Variants in FARSB observed in about 807,000 individuals in gnomAD.
FARSB encodes the protein phenylalanine--tRNA ligase beta subunit.
Under a neutral mutation model 69.6 loss-of-function variants are expected in FARSB, and 40 were observed. That is an observed-to-expected ratio of 0.57 (90% CI 0.45 to 0.75). The LOEUF (loss-of-function observed/expected upper bound fraction) is 0.75. FARSB is among the 30% of genes least tolerant of loss of function. The pLI is 0.00. For missense variants in FARSB, 632 were observed against 722.9 expected (o/e 0.87, Z 1.44); for synonymous variants, 235 against 247.2 (o/e 0.95, Z 0.46).
chr2:222,613,884 T>C lies in FARSB; in HGVS notation c.1389A>G (p.Ala463=), dbSNP rs1690925283. 6.2e-7 allele frequency: 1 copy of C among 1,613,976 alleles called. No homozygotes were observed. Among genetic ancestry groups the C allele is most frequent in the Non-Finnish European group, 8.5e-7 (1 of 1,179,846 alleles). Reference sequence around the variant, plus strand: ...GTGGAAGGGGCATCTTACGATTTGCTGCTATGGTCTTCAGGAGGCCAGGAA... The same window carrying C: ...GTGGAAGGGGCATCTTACGATTTGCCGCTATGGTCTTCAGGAGGCCAGGAA... ...TLLPGLLKTI[A]ANRKMPLPLK... The change falls in exon 15 of 17, where the codon GCA becomes GCG. Residue 463 remains alanine (A), a synonymous_variant. Transcript: ENST00000281828.
chr2:222,596,641 C>A (rs191566057), intron 16 of FARSB, among the ~76,000 whole-genome samples: 1 of 152,250 alleles, frequency 6.6e-6, no homozygotes, highest in East Asian at 1.9e-4. Context: ...CTCTGAAGAC[C>A]TTTTCTTAGT....
intron 13 of FARSB, among the ~76,000 whole-genome samples, chr2:222,622,790 AC>A (rs750673683): frequency 6.6e-6 from 1 of 152,184 alleles, no homozygotes; most frequent in Non-Finnish European, 1.5e-5. Context: ...TGTGCTACGT[AC>A]TTATCCTCTC....
At chr2:222,581,504 A>G (rs1451431069) in intron 16 of FARSB, among the ~76,000 whole-genome samples, 1 of 152,242 alleles carries the variant, frequency 6.6e-6, no homozygotes, top group East Asian at 1.9e-4. Context: ...ATATTTTTAA[A>G]AATCAGAGCA....
At chr2:222,607,448 G>A (rs941984133) in intron 15 of FARSB, among the ~76,000 whole-genome samples, 3 of 152,090 alleles carry the variant, frequency 2.0e-5, no homozygotes, top group African/African-American at 7.2e-5. Flanking sequence ...CCATTAAAAA[G>A]AAATGAAGTT....
chr2:222,592,517 G>C (rs1320585162), intron 16 of FARSB, among the ~76,000 whole-genome samples: 1 of 151,948 alleles, frequency 6.6e-6, no homozygotes, highest in Non-Finnish European at 1.5e-5. Context: ...TGTCTCACAT[G>C]TATAAGATAA....
intron 16 of FARSB, among the ~76,000 whole-genome samples, chr2:222,591,606 ACTT>A (rs1326929946): frequency 6.6e-6 from 1 of 152,230 alleles, no homozygotes; most frequent in Admixed American, 6.5e-5. Context: ...GCATTCATAA[ACTT>A]CTTCATTTTC....
At chr2:222,631,182 CTT>C (rs58544238) in intron 8 of FARSB, among the ~76,000 whole-genome samples, 4 of 144,176 alleles carry the variant, frequency 2.8e-5, no homozygotes, top group African/African-American at 7.5e-5. Context: ...TCGCCAGTTC[CTT>C]TTTTTTTTTT....
chr2:222,583,874 C>T (rs185747460), intron 16 of FARSB, among the ~76,000 whole-genome samples: 240 of 152,172 alleles, frequency 1.6e-3, no homozygotes, highest in Admixed American at 0.013. Flanking sequence ...ACTTTCCTGC[C>T]GCCCTGTGAT....
chr2:222,618,766 A>G (rs2106214115), intron 14 of FARSB, among the ~76,000 whole-genome samples: 1 of 152,342 alleles, frequency 6.6e-6, no homozygotes, highest in South Asian at 2.1e-4. Flanking sequence ...TCAAGAACTG[A>G]TATAATGGGC....
intron 15 of FARSB, among the ~76,000 whole-genome samples, chr2:222,608,730 G>A (rs572654300): frequency 3.9e-5 from 6 of 152,254 alleles, no homozygotes; most frequent in African/African-American, 1.4e-4. Context: ...GTGATTTGAG[G>A]GGTAGAGGAA....
At chr2:222,640,311 T>C (rs1691687210) in intron 4 of FARSB, among the ~76,000 whole-genome samples, 1 of 152,108 alleles carries the variant, frequency 6.6e-6, no homozygotes. Flanking sequence ...GGCAACATAG[T>C]GAAACCCCAT....
chr2:222,601,304 T>C (rs907576906), intron 15 of FARSB, among the ~76,000 whole-genome samples: 12 of 152,052 alleles, frequency 7.9e-5, no homozygotes, highest in African/African-American at 2.9e-4. Flanking sequence ...TTAAAGTATA[T>C]GAAGAATAGG....
chr2:222,590,851 A>G (rs1253156651), intron 16 of FARSB, among the ~76,000 whole-genome samples: 2 of 152,220 alleles, frequency 1.3e-5, no homozygotes, highest in African/African-American at 4.8e-5. Flanking sequence ...GGGACTTATT[A>G]TGCTAGTCTC....
chr2:222,587,759 A>G (rs1257846661), intron 16 of FARSB, among the ~76,000 whole-genome samples: 6 of 152,222 alleles, frequency 3.9e-5, no homozygotes, highest in Non-Finnish European at 7.3e-5. Context: ...AAAATCTAGA[A>G]GAAATGGATA....
In FARSB at chr2:222,617,010, T is replaced by TTG. The variant is rs1470646016; in HGVS notation, c.1344+2633_1344+2634dup. On this transcript the variant is annotated intron_variant, in intron 14 of 16. Transcript: ENST00000281828. ...CTTTTTTTTTTTTTTTTTTTTTTTT[T>TTG]TGAGACGGAGTCTCGCTCTGTCGCC... Among the ~76,000 whole-genome samples the TTG allele has an allele frequency of 1.5e-3, 42 of 27,830 alleles. 10 individuals are homozygous for TTG. The highest frequency in any genetic ancestry group is 0.01 in the East Asian group (35 of 3,354). 18.3% of individuals were successfully genotyped at this position (27,830 alleles called of 152,430 possible).
At chr2:222,590,139 G>C (rs1690225833) in intron 16 of FARSB, among the ~76,000 whole-genome samples, 2 of 152,168 alleles carry the variant, frequency 1.3e-5, no homozygotes, top group Admixed American at 1.3e-4. Context: ...TGATAGACTG[G>C]ATTAAGAAAA....
intron 16 of FARSB, among the ~76,000 whole-genome samples, chr2:222,598,998 G>A (rs1250821718): frequency 6.8e-6 from 1 of 147,648 alleles, no homozygotes; most frequent in African/African-American, 2.5e-5. Context: ...TAGATTTCAG[G>A]GTTATTTTCA....
intron 2 of FARSB, among the ~76,000 whole-genome samples, chr2:222,646,815 C>T (rs1691876103): frequency 6.6e-6 from 1 of 152,146 alleles, no homozygotes; most frequent in Admixed American, 6.5e-5. Flanking sequence ...TTCTTCAGTT[C>T]CAGTGATTTT....
chr2:222,567,934 T>G lies in FARSB; in HGVS notation c.*3937A>C, dbSNP rs1373877557. On this transcript the variant is annotated 3_prime_UTR_variant, in exon 17 of 17. Coordinates refer to ENST00000281828, the MANE Select transcript of FARSB (RefSeq NM_005687.5). ...TGAACAATTACGGACATCTGTACAA[T>G]AGAATATTACCTCATTTAAAAGAAT... is the stretch of plus-strand genomic sequence containing the variant. The G allele has an allele frequency of 6.6e-6, 1 of 152,152 alleles. No individual in the cohort carries two copies. Among genetic ancestry groups the G allele is most frequent in the East Asian group, 1.9e-4 (1 of 5,188 alleles). 9.4% of individuals were successfully genotyped at this position (152,152 alleles called of 1,614,324 possible). A position where few individuals can be genotyped will look rare whatever the true frequency, so the allele number is the denominator to read the frequency against.
Sources: gnomAD v4.1 joint callset for allele counts (sites outside exome capture counted in the v4.1 genomes callset) on GRCh38, gnomAD v4.1.1 for gene constraint, MANE v1.5 for transcripts, NCBI Gene and HGNC (gene_info 2026-07-23, HGNC 2026-07-21) for gene names.